DNAJC15: variants seen among roughly 807,000 people sequenced by gnomAD.
DNAJC15 encodes dnaJ homolog subfamily C member 15.
Under a neutral mutation model 22.4 loss-of-function variants are expected in DNAJC15, and 27 were observed. The observed-to-expected ratio is 1.20, with a 90% CI of 0.89 to 1.66. The LOEUF is 1.66. Among genes scored for constraint, DNAJC15 ranks in the 40% most tolerant of loss-of-function variants. DNAJC15 has a pLI of 0.00. For missense variants in DNAJC15, 208 were observed against 187.1 expected, an observed-to-expected ratio of 1.11 and a Z score of -0.65; for synonymous variants, 79 against 63.2, an observed-to-expected ratio of 1.25 and a Z score of -1.19.
At position 43,056,153 on chromosome 13, in the gene DNAJC15, A is replaced by AT. The variant is rs1215248116; in HGVS notation, c.109-9517dup. Reference sequence around the variant, plus strand: ...TAAATTTATTGAGACTTGTTTTTTAATTTTTTTTTTTTTTTTAGAAGGAGT... The same window carrying AT: ...TAAATTTATTGAGACTTGTTTTTTAATTTTTTTTTTTTTTTTTAGAAGGAGT... On this transcript the variant is annotated intron_variant, in intron 1 of 5. Transcript: ENST00000379221. Among the ~76,000 whole-genome samples, 604 of 139,002 alleles carry AT rather than the reference A, an allele frequency of 4.3e-3. 3 individuals carry two copies. Among genetic ancestry groups the AT allele is most frequent in the African/African-American group, 7.5e-3 (287 of 38,060 alleles). 91.2% of individuals were successfully genotyped at this position (139,002 alleles called of 152,430 possible). A position where few individuals can be genotyped will look rare whatever the true frequency, so the allele number is the denominator to read the frequency against.
At chr13:43,085,097 C>T (rs1227093242) in intron 4 of DNAJC15, among the ~76,000 whole-genome samples, 3 of 152,146 alleles carry the variant, frequency 2.0e-5, no homozygotes, top group Non-Finnish European at 4.4e-5. Flanking sequence ...GGCGTGGAGG[C>T]TTACACCTGT....
intron 1 of DNAJC15, among the ~76,000 whole-genome samples, chr13:43,056,927 A>G (rs1478312140): frequency 2.0e-5 from 3 of 152,184 alleles, no homozygotes; most frequent in African/African-American, 7.2e-5. Context: ...AGGAGGCTAA[A>G]TATAGGACCC....
At chr13:43,031,968 A>G (rs2040405957) in intron 1 of DNAJC15, among the ~76,000 whole-genome samples, 1 of 152,358 alleles carries the variant, frequency 6.6e-6, no homozygotes, top group South Asian at 2.1e-4. Context: ...AGGATGGTGA[A>G]GCAATCCAGA....
chr13:43,100,625 G>A (rs892678369), intron 5 of DNAJC15, among the ~76,000 whole-genome samples: 9 of 152,178 alleles, frequency 5.9e-5, no homozygotes, highest in Middle Eastern at 3.4e-3. Context: ...TATTATTGTC[G>A]GAGAATACAG....
intron 1 of DNAJC15, among the ~76,000 whole-genome samples, chr13:43,057,644 G>A (rs567056191): frequency 2.6e-5 from 4 of 152,204 alleles, no homozygotes; most frequent in Non-Finnish European, 5.9e-5. Context: ...TGGTGAGCTA[G>A]TGTGGTCTTT....
At chr13:43,105,944 A>G (rs1268305162) in intron 5 of DNAJC15, among the ~76,000 whole-genome samples, 5 of 152,206 alleles carry the variant, frequency 3.3e-5, no homozygotes, top group East Asian at 1.9e-4. Context: ...GATATATTCC[A>G]TAAGTGTTTA....
intron 1 of DNAJC15, among the ~76,000 whole-genome samples, chr13:43,044,915 T>C (rs113753667): frequency 2.0e-5 from 3 of 152,234 alleles, no homozygotes; most frequent in African/African-American, 7.2e-5. Context: ...GCCTCTGCTT[T>C]TCATCCTCTA....
At position 43,068,984 on chromosome 13, in the gene DNAJC15, C is replaced by T; in HGVS notation, c.215C>T (p.Ala72Val). 6.2e-7 allele frequency: 1 copy of T among 1,612,504 alleles called. No individual in the cohort carries two copies. The highest frequency in any genetic ancestry group is 8.5e-7 in the Non-Finnish European group (1 of 1,179,206). ...CTAGAACAAGTTATCACAGAAACTG[C>T]AAAGAAGATTTCAACTCCTGTAAGT... ...KPLEQVITET[A>V]KKISTPSFSS... Residue 72 changes from alanine (A) to valine (V), a missense_variant, in exon 3 of 6, where the codon GCA becomes GTA. Coordinates refer to ENST00000379221, the MANE Select transcript of DNAJC15 (RefSeq NM_013238.3).
intron 1 of DNAJC15, among the ~76,000 whole-genome samples, chr13:43,034,021 T>C (rs1390179556): frequency 1.5e-5 from 2 of 132,692 alleles, no homozygotes; most frequent in Non-Finnish European, 3.1e-5. Context: ...AGAGTAAAAC[T>C]TCATCTCAAA....
At chr13:43,039,108 C>T (rs537215207) in intron 1 of DNAJC15, among the ~76,000 whole-genome samples, 7 of 152,214 alleles carry the variant, frequency 4.6e-5, no homozygotes, top group Admixed American at 2.0e-4. Flanking sequence ...CAGATTGTTG[C>T]TTGAAGGCAT....
Position 43,085,785 on chromosome 13 carries a change from C to G in DNAJC15, c.329C>G (p.Ala110Gly). The G allele has an allele frequency of 6.2e-7, 1 of 1,612,652 alleles. No homozygotes were observed. The highest frequency in any genetic ancestry group is 8.5e-7 in the Non-Finnish European group (1 of 1,179,598). The change falls in exon 5 of 6, where the codon GCT becomes GGT. Residue 110 changes from alanine (A) to glycine (G), a missense_variant. By Grantham distance (60) the Ala-to-Gly change is moderately conservative. Transcript: ENST00000379221. ...ILGVSPSAGK[A>G]KIRTAHRRVM... Reference sequence around the variant, plus strand: ...TTTTACAGCCCATCTGCTGGCAAGGCTAAGATTAGAACAGCTCATAGGAGA... The same window carrying G: ...TTTTACAGCCCATCTGCTGGCAAGGGTAAGATTAGAACAGCTCATAGGAGA...
intron 3 of DNAJC15, among the ~76,000 whole-genome samples, chr13:43,075,569 T>TA (rs1339526976): frequency 6.6e-6 from 1 of 152,234 alleles, no homozygotes; most frequent in Non-Finnish European, 1.5e-5. Context: ...TTGTTATGAC[T>TA]AAATCAACTA....
intron 1 of DNAJC15, among the ~76,000 whole-genome samples, chr13:43,024,311 A>G (rs2040368299): frequency 7.4e-6 from 1 of 136,024 alleles, no homozygotes; most frequent in Admixed American, 7.5e-5. Context: ...ACAGAAGCAT[A>G]TTGTGAGCCA....
At chr13:43,034,404 C>T (rs1339783255) in intron 1 of DNAJC15, among the ~76,000 whole-genome samples, 9 of 145,212 alleles carry the variant, frequency 6.2e-5, no homozygotes, top group East Asian at 4.1e-4. Flanking sequence ...CAAGCTCTGC[C>T]TCCCGGGTTC....
At chr13:43,042,371 A>G (rs1196787253) in intron 1 of DNAJC15, among the ~76,000 whole-genome samples, 1 of 152,216 alleles carries the variant, frequency 6.6e-6, no homozygotes, top group Non-Finnish European at 1.5e-5. Flanking sequence ...AGAGAGGACT[A>G]CTATAGTTTT....
chr13:43,027,771 C>G (rs573424463), intron 1 of DNAJC15, among the ~76,000 whole-genome samples: 97 of 152,184 alleles, frequency 6.4e-4, no homozygotes, highest in African/African-American at 2.2e-3. Flanking sequence ...AGTCTCCTGC[C>G]TCAGCCTCCC....
At chr13:43,105,225 G>A (rs2040790697) in intron 5 of DNAJC15, among the ~76,000 whole-genome samples, 2 of 152,036 alleles carry the variant, frequency 1.3e-5, no homozygotes, top group African/African-American at 4.8e-5. Flanking sequence ...AGAACTGTGG[G>A]AGAAGCACAG....
intron 1 of DNAJC15, among the ~76,000 whole-genome samples, chr13:43,035,218 A>G (rs187632787): frequency 6.6e-5 from 10 of 152,232 alleles, no homozygotes; most frequent in Middle Eastern, 6.8e-3. Context: ...GGGACTGCTA[A>G]TGGAGGGAGG....
chr13:43,034,376 C>T (rs1303498815), intron 1 of DNAJC15, among the ~76,000 whole-genome samples: 4 of 123,974 alleles, frequency 3.2e-5, no homozygotes, highest in African/African-American at 6.3e-5. Context: ...AGTGCAGTGG[C>T]GCGATCTCGG....
Sources: allele counts gnomAD v4.1 joint callset (sites outside exome capture counted in the v4.1 genomes callset), GRCh38; gene constraint gnomAD v4.1.1; transcripts MANE v1.5; gene names NCBI Gene and HGNC (gene_info 2026-07-23, HGNC 2026-07-21).